Variants in UXS1 observed in about 807,000 individuals in gnomAD.
UXS1 encodes UDP-glucuronic acid decarboxylase 1.
UXS1 carries 33 observed loss-of-function variants against 62.6 expected under a neutral mutation model. That is an observed-to-expected ratio of 0.53 (90% CI 0.40 to 0.70). The LOEUF (loss-of-function observed/expected upper bound fraction) is 0.70, where lower values mean the gene tolerates loss of function less well. Among genes scored for constraint, UXS1 ranks in the 30% least tolerant of loss-of-function variants. The probability of loss-of-function intolerance (pLI) is 0.00; values close to 1 mark genes in which losing one functional copy is unlikely to be tolerated. For missense variants in UXS1, 434 were observed against 556.3 expected (o/e 0.78, Z 2.21); for synonymous variants, 213 against 206.8 (o/e 1.03, Z -0.26).
At chr2:106,173,624 A>T (rs1683698341) in intron 1 of UXS1, among the ~76,000 whole-genome samples, 3 of 152,232 alleles carry the variant, frequency 2.0e-5, no homozygotes. Context: ...GTTTTGTGGG[A>T]CATCTCTGTC....
Position 106,104,826 on chromosome 2 carries a change from G to C in UXS1, c.891C>G (p.Ser297=). The change falls in exon 11 of 15, where the codon TCC becomes TCG. Residue 297 remains serine, a synonymous_variant. Coordinates refer to ENST00000283148, the MANE Select transcript of UXS1 (RefSeq NM_001253875.2). The stretch of plus-strand genomic sequence containing the variant: ...ACTGGAACGCCCTTGTCTGAGACCC[G>C]GATCCGTATACCTGGAAGGAAACCA... ...LQGEPLTVYG[S]GSQTRAFQYV... is the part of the protein sequence containing the mutation. The C allele has an allele frequency of 6.2e-7, 1 of 1,613,866 alleles. No homozygotes were observed. Among genetic ancestry groups the C allele is most frequent in the Non-Finnish European group, 8.5e-7 (1 of 1,179,870 alleles).
intron 1 of UXS1, among the ~76,000 whole-genome samples, chr2:106,188,650 G>A (rs991043456): frequency 5.3e-5 from 8 of 152,224 alleles, no homozygotes; most frequent in African/African-American, 1.4e-4. Context: ...AGGGACCAGG[G>A]AGAGTCTTGT....
At chr2:106,157,951 T>A in intron 5 of UXS1, 107 bp downstream of exon 5, 1 of 1,002,612 alleles carries the variant, frequency 1.0e-6, no homozygotes, top group African/African-American at 1.6e-5. Flanking sequence ...TATAAGCCAC[T>A]GAATCGTATC....
intron 1 of UXS1, among the ~76,000 whole-genome samples, chr2:106,171,265 CAACA>C (rs1243918978): frequency 4.7e-5 from 7 of 148,878 alleles, no homozygotes. Flanking sequence ...TGTCCTTTTC[CAACA>C]AAGAAAAAAT....
intron 1 of UXS1, 40 bp from the exon 2 acceptor site, chr2:106,166,123 A>ACAAGTCCG (rs1683194830): frequency 6.3e-7 from 1 of 1,597,892 alleles, no homozygotes; most frequent in African/African-American, 1.3e-5. Flanking sequence ...GTTTAAGTCC[A>ACAAGTCCG]CAACTTTCAG....
At chr2:106,106,791 C>T (rs1424274131) in intron 10 of UXS1, among the ~76,000 whole-genome samples, 1 of 152,148 alleles carries the variant, frequency 6.6e-6, no homozygotes, top group East Asian at 1.9e-4. Flanking sequence ...CTCCCTCAGC[C>T]TGGAAACTCC....
chr2:106,193,124 A>C (rs1382177592), intron 1 of UXS1, among the ~76,000 whole-genome samples: 2 of 152,108 alleles, frequency 1.3e-5, no homozygotes, highest in Non-Finnish European at 2.9e-5. Flanking sequence ...TGTAGCACAC[A>C]GGCTGGATCT....
intron 6 of UXS1, among the ~76,000 whole-genome samples, chr2:106,141,965 G>C (rs1269040356): frequency 6.6e-6 from 1 of 151,762 alleles, no homozygotes; most frequent in East Asian, 1.9e-4. Flanking sequence ...CCACATTCTG[G>C]GTTCTAGCGA....
rs573189638 is a variant in UXS1 at position 106,163,517 on chromosome 2, T to C, written c.230+150A>G. The C allele has an allele frequency of 5.2e-5, 25 of 484,194 alleles. No individual in the cohort carries two copies. In the East Asian group the frequency reaches 9.2e-4, roughly 18 times the overall value. 30.0% of individuals were successfully genotyped at this position (484,194 alleles called of 1,614,324 possible). A position where few individuals can be genotyped will look rare whatever the true frequency, so the allele number is the denominator to read the frequency against. On this transcript the variant is annotated intron_variant, in intron 4 of 14. Transcript: ENST00000283148. ...ATCTAGATTGATTCTTCTCCCCATG[T>C]TCTATCTGGGTATTACACTCAAAGT...
intron 1 of UXS1, among the ~76,000 whole-genome samples, chr2:106,190,687 G>A (rs1684865589): frequency 6.8e-6 from 1 of 146,468 alleles, no homozygotes; most frequent in South Asian, 2.2e-4. Flanking sequence ...AGGTTGCAGT[G>A]AGCCGAAATC....
intron 12 of UXS1, chr2:106,100,634 A>C (rs1677512897): frequency 6.0e-6 from 1 of 168,000 alleles, no homozygotes; most frequent in East Asian, 1.8e-4. Flanking sequence ...AGAAGCCATG[A>C]AGGTGGTCTG....
intron 5 of UXS1, among the ~76,000 whole-genome samples, chr2:106,147,982 G>A (rs1264657668): frequency 6.6e-6 from 1 of 152,202 alleles, no homozygotes. Context: ...GCATCCTCAT[G>A]CTCGATAGCT....
chr2:106,100,726 C>A, intron 12 of UXS1: 1 of 245,782 alleles, frequency 4.1e-6, no homozygotes, highest in Non-Finnish European at 7.8e-6. Flanking sequence ...GCAATCAGGC[C>A]TTATAATGAT....
At chr2:106,139,568 C>T (rs948024178) in intron 6 of UXS1, among the ~76,000 whole-genome samples, 1 of 152,184 alleles carries the variant, frequency 6.6e-6, no homozygotes, top group South Asian at 2.1e-4. Flanking sequence ...GAGAACAACT[C>T]GGGATAACCT....
At chr2:106,185,176 G>A (rs1390045303) in intron 1 of UXS1, among the ~76,000 whole-genome samples, 2 of 152,096 alleles carry the variant, frequency 1.3e-5, no homozygotes, top group African/African-American at 4.8e-5. Context: ...GTATCCTTCT[G>A]CTAAATGCCA....
At chr2:106,139,529 C>T (rs571953087) in intron 6 of UXS1, among the ~76,000 whole-genome samples, 2 of 152,204 alleles carry the variant, frequency 1.3e-5, no homozygotes, top group African/African-American at 4.8e-5. Context: ...ATGACACATA[C>T]ATAGGGAAGA....
chr2:106,112,464 G>A (rs1678697224), intron 10 of UXS1, among the ~76,000 whole-genome samples, 182 bp downstream of exon 10: 1 of 152,228 alleles, frequency 6.6e-6, no homozygotes, highest in South Asian at 2.1e-4. Context: ...CTAGTTTCGT[G>A]GAGCAGCCAT....
rs775556547 is a variant in UXS1, at chr2:106,123,054, G to T, written c.675C>A (p.Gly225=). 8 of 1,613,994 alleles carry T rather than the reference G, an allele frequency of 5.0e-6. No homozygotes were observed. The South Asian group carries it at 8.8e-5, about 18-fold the overall frequency. ...EVHPQSEDYW[G]HVNPIGPRAC... The stretch of plus-strand genomic sequence containing the variant: ...CCCGAGGTCCTATTGGATTCACGTG[G>T]CCCCAGTAATCCTCACTTTGAGGGT... Residue 225 remains glycine (G), a synonymous_variant, in exon 9 of 15, where the codon GGC becomes GGA. Coordinates refer to ENST00000283148, the MANE Select transcript of UXS1 (RefSeq NM_001253875.2).
intron 5 of UXS1, among the ~76,000 whole-genome samples, chr2:106,157,363 T>A (rs984577811): frequency 6.6e-6 from 1 of 152,258 alleles, no homozygotes; most frequent in Non-Finnish European, 1.5e-5. Flanking sequence ...TTTATACTGA[T>A]GTTTAACAAG....
Sources: gnomAD v4.1 joint callset for allele counts (sites outside exome capture counted in the v4.1 genomes callset) on GRCh38, gnomAD v4.1.1 for gene constraint, MANE v1.5 for transcripts, NCBI Gene and HGNC (gene_info 2026-07-23, HGNC 2026-07-21) for gene names.